Variants in ABI3 observed in about 807,000 individuals in gnomAD.
ABI3 encodes the protein ABI family member 3, also known as ABI gene family member 3.
ABI3 carries 24 observed loss-of-function variants against 37.0 expected under a neutral mutation model. The observed-to-expected ratio is 0.65, with a 90% confidence interval of 0.47 to 0.91. The LOEUF (loss-of-function observed/expected upper bound fraction) is 0.91. Ranked by LOEUF, ABI3 falls within the 40% of genes least tolerant of loss-of-function variation. The pLI is 0.00. For missense variants in ABI3, 481 were observed against 485.1 expected, an observed-to-expected ratio of 0.99 and a Z score of 0.08; for synonymous variants, 220 against 211.8, an observed-to-expected ratio of 1.04 and a Z score of -0.34.
intron 3 of ABI3, 90 bp downstream of exon 3, chr17:49,218,005 T>G: frequency 7.7e-7 from 1 of 1,293,362 alleles, no homozygotes; most frequent in Non-Finnish European, 1.0e-6. Flanking sequence ...CTGCAAGTTT[T>G]GTCCCCACTT....
In ABI3 at chr17:49,217,597, G is replaced by A. The variant is rs554456022; in HGVS notation, c.286-142G>A. The A allele has an allele frequency of 7.3e-3, 4,872 of 667,054 alleles. 34 individuals are homozygous for A. The highest frequency in any genetic ancestry group is 8.5e-3 in the Non-Finnish European group (3,672 of 431,770). The allele number at this position is 667,054 out of a possible 1,614,324, so 41.3% of individuals were successfully genotyped here. A position where few individuals can be genotyped will look rare whatever the true frequency, so the allele number is the denominator to read the frequency against. On this transcript the variant is annotated intron_variant, in intron 2 of 7. Coordinates refer to ENST00000225941, the MANE Select transcript of ABI3 (RefSeq NM_016428.3). Reference sequence around the variant, plus strand: ...CAATTGCTATGTAGCCTGGTGGGGGGCGGGGGGCGGGGGGCAGGGCCCTCT... The same window carrying A: ...CAATTGCTATGTAGCCTGGTGGGGGACGGGGGGCGGGGGGCAGGGCCCTCT...
intron 1 of ABI3, among the ~76,000 whole-genome samples, chr17:49,213,275 C>T (rs1339236155): frequency 6.6e-6 from 1 of 152,182 alleles, no homozygotes; most frequent in African/African-American, 2.4e-5. Flanking sequence ...CAAAAATATG[C>T]AGGGCATGAG....
At chr17:49,220,015 C>T (rs575201036) in intron 5 of ABI3, 62 bp downstream of exon 5, 5 of 1,528,660 alleles carry the variant, frequency 3.3e-6, no homozygotes, top group Middle Eastern at 1.9e-4. Context: ...AGAGGGGCCA[C>T]CTGCCAGTGG....
At chr17:49,211,736 C>G (rs1285458655) in intron 1 of ABI3, among the ~76,000 whole-genome samples, 1 of 152,062 alleles carries the variant, frequency 6.6e-6, no homozygotes, top group African/African-American at 2.4e-5. Context: ...CCTCCGCCTT[C>G]CGGGTTCAAG....
chr17:49,222,931 A>G lies in ABI3; in HGVS notation c.*216A>G, dbSNP rs895622482. The G allele has an allele frequency of 4.9e-6, 3 of 614,988 alleles. No individual in the cohort carries two copies. In the Admixed American group the frequency reaches 9.0e-5, roughly 18 times the overall value. The allele number at this position is 614,988 out of a possible 1,614,324, so 38.1% of individuals were successfully genotyped here. A position where few individuals can be genotyped will look rare whatever the true frequency, so the allele number is the denominator to read the frequency against. On this transcript the variant is annotated 3_prime_UTR_variant, in exon 8 of 8. Transcript: ENST00000225941. ...GATGGGGAAGAGCTGGAAACCAAGA[A>G]GTTTGTCAACAGAGGACCCCTACTC...
chr17:49,214,222 G>C (rs2043198763), intron 1 of ABI3, among the ~76,000 whole-genome samples: 1 of 152,192 alleles, frequency 6.6e-6, no homozygotes, highest in South Asian at 2.1e-4. Context: ...GGACCCCAGT[G>C]TGCAGCCTTG....
intron 6 of ABI3, among the ~76,000 whole-genome samples, chr17:49,220,982 A>C (rs1276718339): frequency 6.6e-6 from 1 of 150,558 alleles, no homozygotes; most frequent in Admixed American, 6.6e-5. Context: ...TGAGGTCAGG[A>C]GTTTGAGACC....
At position 49,215,370 on chromosome 17, in the gene ABI3, C is replaced by CA. The variant is rs565225130; in HGVS notation, c.118-1160dup. Among the ~76,000 whole-genome samples the CA allele has an allele frequency of 4.4e-4, 67 of 152,224 alleles. 2 individuals are homozygous for CA. In the South Asian group the frequency reaches 0.014, roughly 31 times the overall value. On this transcript the variant is annotated intron_variant, in intron 1 of 7. Transcript: ENST00000225941. ...CGGTTAGAAGCTTGAATTTTATCCT[C>CA]AGGGTATTGGAAAGCTATTAGAGGG...
At chr17:49,217,591 TG>T (rs911944171) in intron 2 of ABI3, 147 bp from the exon 3 acceptor site, 2 of 586,146 alleles carry the variant, frequency 3.4e-6, no homozygotes, top group Non-Finnish European at 5.1e-6. Context: ...TGTAGCCTGG[TG>T]GGGGGCGGGG....
At position 49,216,608 on chromosome 17, in the gene ABI3, G is replaced by A. The variant is rs766321634; in HGVS notation, c.195G>A (p.Val65=). The change falls in exon 2 of 8, where the codon GTG becomes GTA. Residue 65 remains valine (V), a synonymous_variant. Coordinates refer to ENST00000225941, the MANE Select transcript of ABI3 (RefSeq NM_016428.3). ...TQALASVAYQ[V]GNLAGHTLRM... is the part of the protein sequence containing the mutation. ...CACTGGCCAGCGTGGCCTACCAGGT[G>A]GGCAACCTGGCCGGGCACACTCTGC... 1.5e-5 allele frequency: 24 copies of A among 1,611,512 alleles called. No homozygotes were observed. The highest frequency in any genetic ancestry group is 8.0e-5 in the African/African-American group (6 of 74,894).
At chr17:49,216,411 G>C (rs765050799) in intron 1 of ABI3, 120 bp from the exon 2 acceptor site, 1 of 907,384 alleles carries the variant, frequency 1.1e-6, no homozygotes, top group Admixed American at 4.1e-5. Flanking sequence ...AACATCTAAG[G>C]GTTGCTGCTC....
chr17:49,210,890 C>G lies in ABI3; in HGVS notation c.117+49C>G. On this transcript the variant is annotated intron_variant, in intron 1 of 7. Transcript: ENST00000225941. This position sits in a 1 kb window ranked among gnomAD's most constrained non-coding sequence, Gnocchi z 4.2. The stretch of plus-strand genomic sequence containing the variant: ...GACACCCCAGCCCCCGGAGGGGGGA[C>G]CCTGAGCCCTGCCCCAAGTGGGGCC... 1 of 1,461,284 alleles carries G rather than the reference C, an allele frequency of 6.8e-7. No homozygotes were observed. The highest frequency in any genetic ancestry group is 9.3e-7 in the Non-Finnish European group (1 of 1,073,282). 90.5% of individuals were successfully genotyped at this position (1,461,284 alleles called of 1,614,324 possible).
At chr17:49,215,749 G>A (rs1009717418) in intron 1 of ABI3, among the ~76,000 whole-genome samples, 1 of 151,532 alleles carries the variant, frequency 6.6e-6, no homozygotes, top group Non-Finnish European at 1.5e-5. Context: ...TTGCCCGCCT[G>A]GGCCTCCCAA....
In ABI3 at chr17:49,216,518, G is replaced by A. The variant is rs781165050; in HGVS notation, c.118-13G>A. 1.3e-6 allele frequency: 2 copies of A among 1,553,966 alleles called. No homozygotes were observed. Among genetic ancestry groups the A allele is most frequent in the Non-Finnish European group, 1.7e-6 (2 of 1,148,786 alleles). ...AGATGCTGGCCCTTAGGCCAGGGCT[G>A]TGTGTATTTCAGGCCACAGACAAGC... On this transcript the variant is annotated splice_polypyrimidine_tract_variant and intron_variant, in intron 1 of 7. Transcript: ENST00000225941.
chr17:49,219,789 C>T lies in ABI3; in HGVS notation c.549-69C>T, dbSNP rs1222051697. ...CCCTCGGCCACCTGCCCTTCCTGCT[C>T]GCACCCGACCCCTGCTGGCCAGAAG... On this transcript the variant is annotated intron_variant, in intron 4 of 7. Transcript: ENST00000225941. This position sits in a 1 kb window ranked among gnomAD's most constrained non-coding sequence, Gnocchi z 4.3. The T allele has an allele frequency of 3.4e-6, 5 of 1,490,378 alleles. No individual in the cohort carries two copies. The South Asian group carries it at 3.6e-5, about 11-fold the overall frequency. The allele number at this position is 1,490,378 out of a possible 1,614,324, so 92.3% of individuals were successfully genotyped here. A position where few individuals can be genotyped will look rare whatever the true frequency, so the allele number is the denominator to read the frequency against.
chr17:49,221,999 G>T, intron 6 of ABI3, 92 bp from the exon 7 acceptor site: 1 of 1,428,172 alleles, frequency 7.0e-7, no homozygotes, highest in African/African-American at 1.5e-5. Context: ...GCTGAGATGG[G>T]TGGATTCTGG....
At chr17:49,218,911 G>T (rs659377) in intron 3 of ABI3, among the ~76,000 whole-genome samples, 2 of 151,590 alleles carry the variant, frequency 1.3e-5, no homozygotes, top group Admixed American at 1.3e-4. Context: ...GCCACCACTC[G>T]CGGCCCAACT....
intron 2 of ABI3, 92 bp from the exon 3 acceptor site, chr17:49,217,647 C>G (rs78059576): frequency 0.08 from 98,805 of 1,240,892 alleles, 4,900 homozygotes; most frequent in South Asian, 0.16. Flanking sequence ...CTGCCTCCCC[C>G]CCCCAGCCCA....
At chr17:49,212,807 G>A (rs2043182384) in intron 1 of ABI3, among the ~76,000 whole-genome samples, 1 of 152,228 alleles carries the variant, frequency 6.6e-6, no homozygotes, top group Admixed American at 6.5e-5. Flanking sequence ...ATTTCGGTCT[G>A]TGTAGATGTT....
Sources: gnomAD v4.1 joint callset for allele counts (sites outside exome capture counted in the v4.1 genomes callset) on GRCh38, gnomAD v4.1.1 for gene constraint, Gnocchi (gnomAD v3.1) non-coding constraint, MANE v1.5 for transcripts, NCBI Gene and HGNC (gene_info 2026-07-23, HGNC 2026-07-21) for gene names.